Variants in MPZL2 observed in about 807,000 individuals in gnomAD.
MPZL2 encodes the protein myelin protein zero like 2.
In MPZL2, 32 loss-of-function variants were observed where a neutral mutation model predicts 24.5. The observed-to-expected ratio is 1.31, with a 90% CI of 0.99 to 1.76. MPZL2 has a LOEUF of 1.76. Ranked by LOEUF, MPZL2 falls within the 40% of genes most tolerant of loss-of-function variation. The pLI is 0.00. For synonymous variants in MPZL2, 92 were observed against 97.9 expected, an observed-to-expected ratio of 0.94 and a Z score of 0.36; for missense variants, 304 against 274.9, an observed-to-expected ratio of 1.11 and a Z score of -0.75.
In MPZL2 at chr11:118,261,382, T is replaced by G. The variant is rs866075025; in HGVS notation, c.436+1056A>C. Among the ~76,000 whole-genome samples the G allele has an allele frequency of 2.6e-5, 4 of 152,330 alleles. No individual in the cohort carries two copies. The East Asian group carries it at 5.8e-4, about 22-fold the overall frequency. ...ACTTAGCTGTGTGATTTGAAGTAATTAACTTCTTTGAGCCTCAGTTTCCTC... is the reference window on the plus strand; with the variant it reads ...ACTTAGCTGTGTGATTTGAAGTAATGAACTTCTTTGAGCCTCAGTTTCCTC... On this transcript the variant is annotated intron_variant, in intron 3 of 5. Transcript: ENST00000278937.
At chr11:118,261,835 C>T (rs959629818) in intron 3 of MPZL2, among the ~76,000 whole-genome samples, 1 of 152,196 alleles carries the variant, frequency 6.6e-6, no homozygotes, top group Admixed American at 6.5e-5. Flanking sequence ...CATTTATCAG[C>T]TACGTGACTC....
chr11:118,261,055 A>G (rs887591192), intron 3 of MPZL2, among the ~76,000 whole-genome samples: 2 of 152,204 alleles, frequency 1.3e-5, no homozygotes, highest in African/African-American at 4.8e-5. Context: ...TATGGGAAGC[A>G]GGGCCATGGC....
chr11:118,263,015 G>T lies in MPZL2; in HGVS notation c.141C>A (p.Cys47Ter), dbSNP rs145670737. The change falls in exon 2 of 6, where the codon TGC becomes TGA. Residue 47 changes from cysteine (C) to a stop codon, truncating the protein, a stop_gained. Transcript: ENST00000278937. LOFTEE classifies it high-confidence loss of function. ...CCACAGGGGCAAAGCTGGAGAAAGT[G>T]CATTTTAACCGAGCATCTGTCCCAT... ...AVNGTDARLKCTFSSFAPVGD... is the reference protein window; with the variant it reads ...AVNGTDARLK 1.2e-6 allele frequency: 2 copies of T among 1,614,092 alleles called. No homozygotes were observed. Among genetic ancestry groups the T allele is most frequent in the Admixed American group, 1.7e-5 (1 of 60,008 alleles).
chr11:118,259,995 C>A, intron 4 of MPZL2, 59 bp downstream of exon 4: 1 of 1,595,390 alleles, frequency 6.3e-7, no homozygotes, highest in Non-Finnish European at 8.6e-7. Context: ...TAGCCCACTG[C>A]AAAATACCAA....
rs895410884 is a variant in MPZL2, at chr11:118,255,124, A to G, written c.*122T>C. ...GGGTGTTGCTTGTCTAGAATCTAATATGCTGCAGAACTGGTTGGAAAACGG... is the reference window on the plus strand; with the variant it reads ...GGGTGTTGCTTGTCTAGAATCTAATGTGCTGCAGAACTGGTTGGAAAACGG... On this transcript the variant is annotated 3_prime_UTR_variant, in exon 6 of 6. Transcript: ENST00000278937. The G allele has an allele frequency of 6.6e-6, 1 of 152,224 alleles. No individual in the cohort carries two copies. Among genetic ancestry groups the G allele is most frequent in the African/African-American group, 2.4e-5 (1 of 41,460 alleles). The allele number at this position is 152,224 out of a possible 1,614,324, so 9.4% of individuals were successfully genotyped here. A position where few individuals can be genotyped will look rare whatever the true frequency, so the allele number is the denominator to read the frequency against.
At position 118,264,169 on chromosome 11, in the gene MPZL2, T is replaced by C. The variant is rs1949723058; in HGVS notation, c.-16A>G. 2 of 1,613,982 alleles carry C rather than the reference T, an allele frequency of 1.2e-6. No homozygotes were observed. The highest frequency in any genetic ancestry group is 4.5e-5 in the East Asian group (2 of 44,850). ...TGCCATACATGAGGGAAACCCAGCC[T>C]TGGCCCCAGAGACCGGACGGGGCAG... On this transcript the variant is annotated 5_prime_UTR_variant, in exon 1 of 6. Transcript: ENST00000278937.
chr11:118,261,847 G>A (rs148563287), intron 3 of MPZL2, among the ~76,000 whole-genome samples: 136 of 152,294 alleles, frequency 8.9e-4, no homozygotes, highest in Admixed American at 6.9e-3. Context: ...ACGTGACTCA[G>A]GGCAAATGAC....
chr11:118,256,091 C>G (rs1949658113), intron 5 of MPZL2, among the ~76,000 whole-genome samples: 1 of 152,158 alleles, frequency 6.6e-6, no homozygotes, highest in African/African-American at 2.4e-5. Flanking sequence ...TTTTACAATA[C>G]AATCATTTTA....
At chr11:118,260,303 C>T in intron 3 of MPZL2, 102 bp from the exon 4 acceptor site, 1 of 1,216,304 alleles carries the variant, frequency 8.2e-7, no homozygotes, top group South Asian at 1.5e-5. Flanking sequence ...ATGGAATCTT[C>T]CTTTATCCTA....
At chr11:118,262,303 C>G in intron 3 of MPZL2, 135 bp downstream of exon 3, 1 of 899,378 alleles carries the variant, frequency 1.1e-6, no homozygotes, top group Non-Finnish European at 1.7e-6. Context: ...CTGAGGCTCC[C>G]AGTTCTGAAG....
chr11:118,257,912 A>C (rs1176918537), intron 4 of MPZL2, among the ~76,000 whole-genome samples: 1 of 152,108 alleles, frequency 6.6e-6, no homozygotes, highest in African/African-American at 2.4e-5. Flanking sequence ...TGGGAAGCTG[A>C]GGCAAGAGAA....
In MPZL2 at chr11:118,255,081, A is replaced by G. The variant is rs1949652949; in HGVS notation, c.*165T>C. ...TGTATGACTGGTGATATGGAGGAGC[A>G]CTGTGCTGGCTCCAGAGGGGTGTTG... On this transcript the variant is annotated 3_prime_UTR_variant, in exon 6 of 6. Coordinates refer to ENST00000278937, the MANE Select transcript of MPZL2 (RefSeq NM_005797.4). 6.6e-6 allele frequency: 1 copy of G among 152,218 alleles called. No individual in the cohort carries two copies. The highest frequency in any genetic ancestry group is 1.5e-5 in the Non-Finnish European group (1 of 68,040). 9.4% of individuals were successfully genotyped at this position (152,218 alleles called of 1,614,324 possible).
In MPZL2 at chr11:118,264,134, G is replaced by A. The variant is rs779371966; in HGVS notation, c.20C>T (p.Thr7Ile). The A allele has an allele frequency of 1.2e-6, 2 of 1,614,136 alleles. No homozygotes were observed. The highest frequency in any genetic ancestry group is 1.7e-6 in the Non-Finnish European group (2 of 1,180,020). ...GCCAAGGAGAAGAAGCACCGCACGA[G>A]TAGAGCTCTTGCCATACATGAGGGA... MYGKSS[T>I]RAVLLLLGIQ... The change falls in exon 1 of 6, where the codon ACT (threonine) becomes ATT (isoleucine). Residue 7 changes from threonine (T) to isoleucine (I), a missense_variant. Thr to Ile is a moderately conservative substitution (Grantham distance 89). Coordinates refer to ENST00000278937, the MANE Select transcript of MPZL2 (RefSeq NM_005797.4).
At chr11:118,260,279 C>A in intron 3 of MPZL2, 78 bp from the exon 4 acceptor site, 1 of 1,421,438 alleles carries the variant, frequency 7.0e-7, no homozygotes, top group South Asian at 1.3e-5. Context: ...AATAGGGATG[C>A]ATTTAATCAA....
rs746218761 is a variant in MPZL2 at position 118,262,994 on chromosome 11, AG to A, written c.161del (p.Pro54LeufsTer6). The A allele has an allele frequency of 1.2e-5, 19 of 1,614,076 alleles. No homozygotes were observed. In the Admixed American group the frequency reaches 3.2e-4, roughly 27 times the overall value. ...AGGTCACTGTTAGAGCATCACCCAC[AG>A]GGGCAAAGCTGGAGAAAGTGCATTT... ...RLKCTFSSFA[P>X]VGDALTVTWN... On this transcript the variant is annotated frameshift_variant, in exon 2 of 6. Transcript: ENST00000278937. LOFTEE classifies it high-confidence loss of function.
At chr11:118,263,226 C>A in intron 1 of MPZL2, 129 bp from the exon 2 acceptor site, 1 of 958,684 alleles carries the variant, frequency 1.0e-6, no homozygotes, top group East Asian at 2.5e-5. Context: ...CCCCATCTCC[C>A]AAACTTACTT....
At chr11:118,255,444 G>T (rs140916528) in intron 5 of MPZL2, among the ~76,000 whole-genome samples, 86 of 152,100 alleles carry the variant, frequency 5.7e-4, no homozygotes, top group African/African-American at 2.0e-3. Flanking sequence ...TGGCCTCTAA[G>T]TACCTTGCAT....
intron 4 of MPZL2, among the ~76,000 whole-genome samples, chr11:118,258,197 C>T (rs973441333): frequency 6.6e-6 from 1 of 151,982 alleles, no homozygotes; most frequent in Admixed American, 6.6e-5. Flanking sequence ...GAAAACATAG[C>T]CATAAATCTT....
chr11:118,260,228 G>A, intron 3 of MPZL2, 27 bp from the exon 4 acceptor site: 1 of 1,604,394 alleles, frequency 6.2e-7, no homozygotes, highest in Non-Finnish European at 8.5e-7. Context: ...ATTAAATTAG[G>A]ATTCTAAAAA....
Sources: gnomAD v4.1 joint callset for allele counts (sites outside exome capture counted in the v4.1 genomes callset) on GRCh38, gnomAD v4.1.1 for gene constraint, MANE v1.5 for transcripts, NCBI Gene and HGNC (gene_info 2026-07-23, HGNC 2026-07-21) for gene names.